Variants in ICAM2 observed in about 807,000 individuals in gnomAD.
The protein encoded by ICAM2 is ICAM-2.
Under a neutral mutation model 19.1 loss-of-function variants are expected in ICAM2, and 14 were observed. The ratio of observed to expected loss-of-function variants is 0.73; its 90% CI spans 0.48 to 1.15. ICAM2 has a LOEUF of 1.15. ICAM2 is among the 50% of genes most tolerant of loss of function. ICAM2 has a pLI of 0.00. For missense variants in ICAM2, 311 were observed against 355.4 expected (o/e 0.88, Z 1.00); for synonymous variants, 153 against 152.7 (o/e 1.00, Z -0.01).
chr17:64,019,817 C>CAAAA (rs11342409), intron 1 of ICAM2, among the ~76,000 whole-genome samples: 3 of 53,830 alleles, frequency 5.6e-5, no homozygotes, highest in Admixed American at 2.2e-4. Context: ...AACTCTGTCT[C>CAAAA]AAAAAAAAAA....
rs753330024 is a variant in ICAM2, at chr17:64,002,933, G to A, written c.650-8C>T. On this transcript the variant is annotated splice_polypyrimidine_tract_variant and splice_region_variant and intron_variant, in intron 4 of 4. Transcript: ENST00000579788. The stretch of plus-strand genomic sequence containing the variant: ...GGCTGTCCGACACAGGCTCTGGGGA[G>A]GGAGGGGGCAAGGGTCTTAGACGTC... The A allele has an allele frequency of 3.7e-6, 6 of 1,612,428 alleles. No individual in the cohort carries two copies. Among genetic ancestry groups the A allele is most frequent in the East Asian group, 2.2e-5 (1 of 44,852 alleles).
chr17:64,003,248 C>T, intron 4 of ICAM2: 2 of 432,736 alleles, frequency 4.6e-6, no homozygotes, highest in Admixed American at 3.8e-5. Flanking sequence ...CCCAGCCAAG[C>T]CCCTTCTTGG....
chr17:64,017,399 A>G (rs981382657), intron 1 of ICAM2, among the ~76,000 whole-genome samples: 3 of 152,242 alleles, frequency 2.0e-5, no homozygotes, highest in Non-Finnish European at 2.9e-5. Flanking sequence ...ACCTAGAACT[A>G]TAAGACCTAT....
rs756843768 is a variant in ICAM2, at chr17:64,006,409, G to A, written c.61+222C>T. The A allele has an allele frequency of 1.8e-4, 95 of 520,864 alleles. 3 individuals are homozygous for A. The highest frequency in any genetic ancestry group is 6.3e-4 in the South Asian group (25 of 39,446). The allele number at this position is 520,864 out of a possible 1,614,324, so 32.3% of individuals were successfully genotyped here. ...TCCCAGCTACTCAGGAGGCTGAGGT[G>A]GGAGGATCACCCGAGCCCAGGGAGG... On this transcript the variant is annotated intron_variant, in intron 2 of 4. Coordinates refer to ENST00000579788, the MANE Select transcript of ICAM2 (RefSeq NM_001099789.2).
chr17:64,009,316 T>C (rs1408542980), intron 1 of ICAM2, among the ~76,000 whole-genome samples: 1 of 152,034 alleles, frequency 6.6e-6, no homozygotes, highest in Admixed American at 6.6e-5. Flanking sequence ...TTTTTTTTTT[T>C]TGTCCAGCAT....
chr17:64,018,713 C>CTTTTT (rs67934258), intron 1 of ICAM2, among the ~76,000 whole-genome samples: 3 of 62,912 alleles, frequency 4.8e-5, no homozygotes, highest in East Asian at 5.5e-4. Context: ...GTTTACTTCT[C>CTTTTT]TTTTTTTTTT....
intron 1 of ICAM2, among the ~76,000 whole-genome samples, chr17:64,009,618 T>C (rs1248697655): frequency 6.6e-6 from 1 of 152,088 alleles, no homozygotes; most frequent in Non-Finnish European, 1.5e-5. Context: ...TACAGAGAGT[T>C]ACTGTGGGGC....
chr17:64,003,230 G>A (rs1182685550), intron 4 of ICAM2: 2 of 446,948 alleles, frequency 4.5e-6, no homozygotes, highest in African/African-American at 3.9e-5. Flanking sequence ...CCTGGAGGGT[G>A]GCATGGTCCC....
chr17:64,003,320 A>G (rs1320983969), intron 4 of ICAM2: 4 of 440,952 alleles, frequency 9.1e-6, no homozygotes, highest in South Asian at 2.6e-5. Flanking sequence ...GTCACCAAGC[A>G]GCAGAGCTCT....
At chr17:64,004,589 G>T (rs1013179308) in intron 3 of ICAM2, 4 of 177,038 alleles carry the variant, frequency 2.3e-5, no homozygotes, top group African/African-American at 9.4e-5. Flanking sequence ...ACTGGTGATG[G>T]AATGGACCCA....
At chr17:64,006,357 G>T (rs914914507) in intron 2 of ICAM2, 11 of 373,568 alleles carry the variant, frequency 2.9e-5, no homozygotes, top group African/African-American at 2.1e-4. Context: ...ACAAAAATTA[G>T]CTGGGCATGG....
At chr17:64,004,861 T>G in intron 3 of ICAM2, 1 of 583,454 alleles carries the variant, frequency 1.7e-6, no homozygotes, top group African/African-American at 1.9e-5. Flanking sequence ...TGGCTAAATG[T>G]TGGTTAGATT....
chr17:64,005,294 G>A lies in ICAM2; in HGVS notation c.141C>T (p.Asn47=). Residue 47 remains asparagine, a synonymous_variant, in exon 3 of 5, where the codon AAC becomes AAT. Coordinates refer to ENST00000579788, the MANE Select transcript of ICAM2 (RefSeq NM_001099789.2). ...CAGGCTGGTTACAGGTGGTGCTGCA[G>A]TTGACCTCGAGGGACCCTTTGGGCT... ...AVEPKGSLEV[N]CSTTCNQPEV... is the part of the protein sequence containing the mutation. 27 of 1,614,168 alleles carry A rather than the reference G, an allele frequency of 1.7e-5. No homozygotes were observed. The highest frequency in any genetic ancestry group is 2.2e-5 in the Non-Finnish European group (26 of 1,179,992).
At chr17:64,008,685 G>T (rs1160195547) in intron 1 of ICAM2, among the ~76,000 whole-genome samples, 1 of 152,194 alleles carries the variant, frequency 6.6e-6, no homozygotes, top group Non-Finnish European at 1.5e-5. Context: ...GCAAGAAGAG[G>T]ATTGTTAGGA....
intron 1 of ICAM2, chr17:64,007,877 G>A (rs976211590): frequency 6.6e-5 from 10 of 152,214 alleles, no homozygotes; most frequent in Non-Finnish European, 1.3e-4. Flanking sequence ...TTCAATGGAC[G>A]AGAGGACCTT....
intron 1 of ICAM2, among the ~76,000 whole-genome samples, chr17:64,014,361 A>AAGAAAGAAAGAG: frequency 1.7e-5 from 1 of 57,644 alleles, no homozygotes; most frequent in Non-Finnish European, 3.8e-5. Context: ...GAAAGAAAGA[A>AAGAAAGAAAGAG]AGAAAGAAAG....
intron 1 of ICAM2, among the ~76,000 whole-genome samples, chr17:64,016,578 T>C (rs1457327248): frequency 1.3e-5 from 2 of 152,250 alleles, no homozygotes; most frequent in Middle Eastern, 3.2e-3. Context: ...CAGGAGCCAG[T>C]GGATATACTT....
Position 64,006,736 on chromosome 17 carries a change from C to G in ICAM2, c.-44-1G>C. On this transcript the variant is annotated splice_acceptor_variant, in intron 1 of 4. Transcript: ENST00000579788. LOFTEE classifies it low-confidence loss of function (5UTR_SPLICE). ...CTCGCAGGGACCAGCCAAGGGCTGCCTGGAGGGAGATGGTGGGCGCAGGTC... is the reference window on the plus strand; with the variant it reads ...CTCGCAGGGACCAGCCAAGGGCTGCGTGGAGGGAGATGGTGGGCGCAGGTC... The G allele has an allele frequency of 1.3e-6, 2 of 1,587,680 alleles. No individual in the cohort carries two copies. Among genetic ancestry groups the G allele is most frequent in the Non-Finnish European group, 1.7e-6 (2 of 1,156,496 alleles).
At chr17:64,007,911 C>T (rs1911286226) in intron 1 of ICAM2, 1 of 152,254 alleles carries the variant, frequency 6.6e-6, no homozygotes, top group African/African-American at 2.4e-5. Context: ...CACACAGTCT[C>T]ATCCCTCAGT....
Sources: allele counts gnomAD v4.1 joint callset (sites outside exome capture counted in the v4.1 genomes callset), GRCh38; gene constraint gnomAD v4.1.1; transcripts MANE v1.5; gene names NCBI Gene and HGNC (gene_info 2026-07-23, HGNC 2026-07-21).